WNK4: variants seen among roughly 807,000 people sequenced by gnomAD.
The protein encoded by WNK4 is serine/threonine-protein kinase WNK4.
In WNK4, 94 loss-of-function variants were observed where a neutral mutation model predicts 116.2. The ratio of observed to expected loss-of-function variants is 0.81; its 90% CI spans 0.68 to 0.96. WNK4 has a LOEUF of 0.96. Ranked by LOEUF, WNK4 falls within the 40% of genes least tolerant of loss-of-function variation. WNK4 has a pLI of 0.00. For synonymous variants in WNK4, 655 were observed against 672.7 expected (o/e 0.97, Z 0.41); for missense variants, 1,542 against 1,650.6 (o/e 0.93, Z 1.14).
Position 42,795,500 on chromosome 17 carries a change from A to C in WNK4, c.3001A>C (p.Arg1001=), listed in dbSNP as rs1199420317. The C allele has an allele frequency of 6.2e-7, 1 of 1,614,216 alleles. No homozygotes were observed. The highest frequency in any genetic ancestry group is 8.5e-7 in the Non-Finnish European group (1 of 1,180,038). ...PPARPLPGEA[R]LAPISEEGKP... ...TGCTCGGCCCCTCCCAGGGGAAGCCAGGCTGGCGCCCATCTCTGAAGGTAA... is the reference window on the plus strand; with the variant it reads ...TGCTCGGCCCCTCCCAGGGGAAGCCCGGCTGGCGCCCATCTCTGAAGGTAA... Residue 1001 remains arginine, a synonymous_variant, in exon 15 of 19, where the codon AGG becomes CGG. Transcript: ENST00000246914.
chr17:42,788,279 C>T lies in WNK4; in HGVS notation c.1923-11C>T. On this transcript the variant is annotated splice_polypyrimidine_tract_variant and intron_variant, in intron 9 of 18. Coordinates refer to ENST00000246914, the MANE Select transcript of WNK4 (RefSeq NM_032387.5). ...CTCTGACAGTCATTCTCTCTCCTTT[C>T]TCTTTAACAGCTATGCCTCAGATGC... is the stretch of plus-strand genomic sequence containing the variant. 6.2e-7 allele frequency: 1 copy of T among 1,614,064 alleles called. No homozygotes were observed. Among genetic ancestry groups the T allele is most frequent in the Non-Finnish European group, 8.5e-7 (1 of 1,179,954 alleles).
chr17:42,780,637 C>G lies in WNK4; in HGVS notation c.-62C>G. 6.3e-7 allele frequency: 1 copy of G among 1,591,594 alleles called. No individual in the cohort carries two copies. The highest frequency in any genetic ancestry group is 8.5e-7 in the Non-Finnish European group (1 of 1,175,994). On this transcript the variant is annotated 5_prime_UTR_variant, in exon 1 of 19. Transcript: ENST00000246914. Reference sequence around the variant, plus strand: ...AGCGCAGCGCACCCAGCGAGTCCGTCTGTCAGGCCGCCTCCTCTCCGGCCG... The same window carrying G: ...AGCGCAGCGCACCCAGCGAGTCCGTGTGTCAGGCCGCCTCCTCTCCGGCCG...
At chr17:42,783,867 T>A in intron 2 of WNK4, 70 bp from the exon 3 acceptor site, 1 of 1,471,922 alleles carries the variant, frequency 6.8e-7, no homozygotes, top group Non-Finnish European at 9.3e-7. Context: ...GGGGGGAACT[T>A]CCCAGTGGGG....
At position 42,795,211 on chromosome 17, in the gene WNK4, C is replaced by T. The variant is rs201032525; in HGVS notation, c.2790C>T (p.Phe930=). The change falls in exon 14 of 19, where the codon TTC becomes TTT. Residue 930 remains phenylalanine, a synonymous_variant. Transcript: ENST00000246914. ...CTCTCCTTTCTCTGGCTAGTGCCTTCTCACTGGCTGTGATGACTGTGGCCC... is the reference window on the plus strand; with the variant it reads ...CTCTCCTTTCTCTGGCTAGTGCCTTTTCACTGGCTGTGATGACTGTGGCCC... The part of the protein sequence containing the change: ...AAPLLSLASA[F]SLAVMTVAQS... 1.3e-5 allele frequency: 21 copies of T among 1,614,064 alleles called. No homozygotes were observed. The highest frequency in any genetic ancestry group is 5.0e-5 in the Admixed American group (3 of 60,014).
intron 11 of WNK4, among the ~76,000 whole-genome samples, chr17:42,791,713 C>T (rs1349098352): frequency 6.6e-6 from 1 of 151,074 alleles, no homozygotes; most frequent in African/African-American, 2.4e-5. Context: ...AATCCCAGCA[C>T]TTTTGGGAGG....
At chr17:42,787,115 C>G (rs535832739) in intron 6 of WNK4, among the ~76,000 whole-genome samples, 163 bp from the exon 7 acceptor site, 2 of 152,296 alleles carry the variant, frequency 1.3e-5, no homozygotes, top group East Asian at 3.9e-4. Flanking sequence ...TTTGGAGGAT[C>G]TAGTGATGAT....
Position 42,784,717 on chromosome 17 carries a change from A to C in WNK4, c.1170+138A>C. ...GAGTCGCCTTGGTGAACACAGAAGG[A>C]TATTGAGTGCACACGCGCCCCCACC... On this transcript the variant is annotated intron_variant, in intron 4 of 18. Transcript: ENST00000246914. The surrounding 1 kb of genome is among the most constrained non-coding windows in gnomAD (Gnocchi z 4.4). 1 of 1,102,736 alleles carries C rather than the reference A, an allele frequency of 9.1e-7. No homozygotes were observed. Among genetic ancestry groups the C allele is most frequent in the Non-Finnish European group, 1.3e-6 (1 of 751,326 alleles). 68.3% of individuals were successfully genotyped at this position (1,102,736 alleles called of 1,614,324 possible).
chr17:42,795,473 C>T lies in WNK4; in HGVS notation c.2974C>T (p.Pro992Ser). The T allele has an allele frequency of 6.2e-7, 1 of 1,614,240 alleles. No individual in the cohort carries two copies. Among genetic ancestry groups the T allele is most frequent in the Non-Finnish European group, 8.5e-7 (1 of 1,180,048 alleles). Residue 992 changes from proline (P) to serine (S), a missense_variant, in exon 15 of 19, where the codon CCT becomes TCT. Coordinates refer to ENST00000246914, the MANE Select transcript of WNK4 (RefSeq NM_032387.5). The part of the protein sequence containing the change: ...AEVESEASPP[P>S]ARPLPGEARL... ...CCCCACTTTCTAGGCCTCACCACCT[C>T]CTGCTCGGCCCCTCCCAGGGGAAGC...
chr17:42,794,597 T>C lies in WNK4; in HGVS notation c.2296-17T>C. 1 of 1,613,872 alleles carries C rather than the reference T, an allele frequency of 6.2e-7. No individual in the cohort carries two copies. The highest frequency in any genetic ancestry group is 8.5e-7 in the Non-Finnish European group (1 of 1,179,968). On this transcript the variant is annotated splice_polypyrimidine_tract_variant and intron_variant, in intron 12 of 18. Transcript: ENST00000246914. ...GCTCTTCCCCACTGTGACTGCGGAC[T>C]CCTTTTTCTGCCTCAGGAGGAGCCA... is the stretch of plus-strand genomic sequence containing the variant.
chr17:42,795,308 CT>C lies in WNK4; in HGVS notation c.2888del (p.Leu963ArgfsTer57). 6.2e-7 allele frequency: 1 copy of C among 1,614,088 alleles called. No homozygotes were observed. Among genetic ancestry groups the C allele is most frequent in the Non-Finnish European group, 8.5e-7 (1 of 1,180,002 alleles). ...AGCCCCTCCTAGTCCCCTCCCTAGC[CT>C]GCCCCTTCCCCCTCCCGTTGCTCCT... ...PPAPPSPLPS[L>X]PLPPPVAPGG... On this transcript the variant is annotated frameshift_variant, in exon 14 of 19. Transcript: ENST00000246914. LOFTEE classifies it high-confidence loss of function.
Position 42,780,908 on chromosome 17 carries a change from G to T in WNK4, c.210G>T (p.Leu70=). 6.2e-7 allele frequency: 1 copy of T among 1,607,836 alleles called. No individual in the cohort carries two copies. The change falls in exon 1 of 19, where the codon CTG becomes CTT. Residue 70 remains leucine, a synonymous_variant. Transcript: ENST00000246914. The part of the protein sequence containing the change: ...SRRSSVDLGL[L]SSWSLPASPA... ...GTAGCTCAGTCGACTTGGGGCTGCT[G>T]AGCTCTTGGTCCCTGCCAGCCTCAC...
chr17:42,789,154 T>TGTGAAGGGTGGAAAGGCC lies in WNK4; in HGVS notation c.2157+358_2157+375dup, dbSNP rs577777791. ...ATCTTGGCAAATGGGCAAGAAAGGC[T>TGTGAAGGGTGGAAAGGCC]GTGAAGGGTGGAAAGGCCATGAAGG... On this transcript the variant is annotated intron_variant, in intron 11 of 18. Coordinates refer to ENST00000246914, the MANE Select transcript of WNK4 (RefSeq NM_032387.5). Among the ~76,000 whole-genome samples, 35 of 152,132 alleles carry TGTGAAGGGTGGAAAGGCC rather than the reference T, an allele frequency of 2.3e-4. No homozygotes were observed. The East Asian group carries it at 2.3e-3, about 10-fold the overall frequency.
chr17:42,795,639 C>G lies in WNK4; in HGVS notation c.3037C>G (p.Leu1013Val), dbSNP rs376863636. The G allele has an allele frequency of 5.6e-6, 9 of 1,613,728 alleles. No homozygotes were observed. Among genetic ancestry groups the G allele is most frequent in the Non-Finnish European group, 7.6e-6 (9 of 1,180,040 alleles). Residue 1013 changes from leucine (L) to valine (V), a missense_variant, in exon 16 of 19, where the codon CTT (leucine) becomes GTT (valine). Leu to Val is a conservative substitution (Grantham distance 32, BLOSUM62 1). Coordinates refer to ENST00000246914, the MANE Select transcript of WNK4 (RefSeq NM_032387.5). ...TCGCCCTACAGAGGGAAAGCCGCAG[C>G]TTGTTGGGCGTTTCCAAGTGACTTC... ...APISEEGKPQ[L>V]VGRFQVTSSK...
chr17:42,785,412 G>C lies in WNK4; in HGVS notation c.1406G>C (p.Arg469Pro). 6.4e-6 allele frequency: 10 copies of C among 1,568,060 alleles called. No homozygotes were observed. Among genetic ancestry groups the C allele is most frequent in the Non-Finnish European group, 8.6e-6 (10 of 1,156,154 alleles). ...GACGCGCGGCGCGGGGGGCGCCCAC[G>C]GGACAACCAGGCCATCGAGTTCCTG... Reference protein sequence around the residue: ...MEDARRGGRPRDNQAIEFLFQ... With the variant: ...MEDARRGGRPPDNQAIEFLFQ... Residue 469 changes from arginine to proline, a missense_variant, in exon 6 of 19, where the codon CGG becomes CCG. Transcript: ENST00000246914.
rs770314663 is a variant in WNK4, at chr17:42,796,538, C to T, written c.3689C>T (p.Ala1230Val). The change falls in exon 18 of 19, where the codon GCA becomes GTA. Residue 1230 changes from alanine (A) to valine (V), a missense_variant. Physicochemically the swap from Ala to Val is moderately conservative, Grantham distance 64. This residue lies in a region of WNK4 where 148 missense variants were observed against 157.2 expected (regional missense o/e 0.94). Coordinates refer to ENST00000246914, the MANE Select transcript of WNK4 (RefSeq NM_032387.5). ...AGCACCGGCTCCCAGGAGCAGCGGG[C>T]AAGCAAGGGGGTGACATTCGCCGGG... ...GSSTGSQEQR[A>V]SKGVTFAGDV... 6.2e-7 allele frequency: 1 copy of T among 1,613,942 alleles called. No homozygotes were observed. Among genetic ancestry groups the T allele is most frequent in the African/African-American group, 1.3e-5 (1 of 74,940 alleles).
chr17:42,796,497 C>T lies in WNK4; in HGVS notation c.3648C>T (p.Asn1216=), dbSNP rs939973874. ...TGCTCCCAGGCATCATGCGAAGGAA[C>T]TCTCTGAGTGGCAGCAGCACCGGCT... The part of the protein sequence containing the change: ...EPPGPGIMRR[N]SLSGSSTGSQ... Residue 1216 remains asparagine, a synonymous_variant, in exon 18 of 19, where the codon AAC becomes AAT. Transcript: ENST00000246914. 4 of 1,613,902 alleles carry T rather than the reference C, an allele frequency of 2.5e-6. No homozygotes were observed. Among genetic ancestry groups the T allele is most frequent in the African/African-American group, 1.3e-5 (1 of 74,924 alleles).
chr17:42,783,723 A>G, intron 2 of WNK4: 3 of 606,308 alleles, frequency 4.9e-6, no homozygotes, highest in East Asian at 5.6e-5. Flanking sequence ...CTATCTATCA[A>G]TTTACTTCCC....
rs552956130 is a variant in WNK4 at position 42,787,314 on chromosome 17, C to T, written c.1513C>T (p.Pro505Ser). The change falls in exon 7 of 19, where the codon CCA becomes TCA. Residue 505 changes from proline to serine, a missense_variant. Around this residue, in one of 7 missense-constraint regions of WNK4, gnomAD observed 808 missense variants for 873.6 expected, o/e 0.92. Transcript: ENST00000246914. ...CTTGGTCTGTGAAGCCGATTACCAGCCAGTGGCCCGTGCAGTACGTGAACG... is the reference window on the plus strand; with the variant it reads ...CTTGGTCTGTGAAGCCGATTACCAGTCAGTGGCCCGTGCAGTACGTGAACG... ...LGLVCEADYQPVARAVRERVA... is the reference protein window; with the variant it reads ...LGLVCEADYQSVARAVRERVA... 6 of 1,614,126 alleles carry T rather than the reference C, an allele frequency of 3.7e-6. No homozygotes were observed. The South Asian group carries it at 6.6e-5, about 18-fold the overall frequency.
rs2054496853 is a variant in WNK4 at position 42,782,596 on chromosome 17, G to A, written c.619-162G>A. On this transcript the variant is annotated intron_variant, in intron 1 of 18. Coordinates refer to ENST00000246914, the MANE Select transcript of WNK4 (RefSeq NM_032387.5). This position sits in a 1 kb window ranked among gnomAD's most constrained non-coding sequence, Gnocchi z 4.2. ...GGATCAGCTTACGTGCGGGACTGTTGGAGAGTTCAGGGTCTGCAGCCCACT... is the reference window on the plus strand; with the variant it reads ...GGATCAGCTTACGTGCGGGACTGTTAGAGAGTTCAGGGTCTGCAGCCCACT... Among the ~76,000 whole-genome samples, 1 of 152,210 alleles carries A rather than the reference G, an allele frequency of 6.6e-6. No homozygotes were observed. The highest frequency in any genetic ancestry group is 2.4e-5 in the African/African-American group (1 of 41,456).
Sources: allele counts gnomAD v4.1 joint callset (sites outside exome capture counted in the v4.1 genomes callset), GRCh38; gene constraint gnomAD v4.1.1; regional missense constraint gnomAD v4.1.1; non-coding constraint Gnocchi (gnomAD v3.1); transcripts MANE v1.5; gene names NCBI Gene and HGNC (gene_info 2026-07-23, HGNC 2026-07-21).